Variants in KANSL1 observed in about 807,000 individuals in gnomAD.
KANSL1 encodes KAT8 regulatory NSL complex subunit 1, also known as MLL1/MLL complex subunit KANSL1.
A neutral mutation model predicts 103.6 loss-of-function variants in KANSL1; 22 were observed. That is an observed-to-expected ratio of 0.21 (90% CI 0.15 to 0.30). The LOEUF (loss-of-function observed/expected upper bound fraction) is 0.30. KANSL1 is among the 10% of genes least tolerant of loss of function. KANSL1 has a pLI of 1.00. For missense variants in KANSL1, 1,337 were observed against 1,399.8 expected (o/e 0.96, Z 0.72); for synonymous variants, 600 against 527.6 (o/e 1.14, Z -1.88).
intron 1 of KANSL1, among the ~76,000 whole-genome samples, chr17:46,187,674 A>T (rs1205974487): frequency 6.6e-6 from 1 of 152,282 alleles, no homozygotes; most frequent in East Asian, 1.9e-4. Flanking sequence ...AAAATCTTGG[A>T]AAAGCAAGGC....
At chr17:46,131,657 A>C (rs1322711450) in intron 2 of KANSL1, among the ~76,000 whole-genome samples, 2 of 152,186 alleles carry the variant, frequency 1.3e-5, no homozygotes, top group South Asian at 2.1e-4. Context: ...CATCCTCAAG[A>C]AGCTTATAAA....
chr17:46,194,587 T>C (rs1162786017), upstream of KANSL1, among the ~76,000 whole-genome samples: 1 of 152,190 alleles, frequency 6.6e-6, no homozygotes, highest in Non-Finnish European at 1.5e-5. Flanking sequence ...AAAAGATGAG[T>C]GGAGTATCTT....
At position 46,105,865 on chromosome 17, in the gene KANSL1, TCACA is replaced by T. The variant is rs373943708; in HGVS notation, c.1290-11168_1290-11165del. Among the ~76,000 whole-genome samples the T allele has an allele frequency of 1.5e-3, 205 of 134,644 alleles. 1 individual carries two copies. Among genetic ancestry groups the T allele is most frequent in the African/African-American group, 4.1e-3 (137 of 33,660 alleles). The allele number at this position is 134,644 out of a possible 152,430, so 88.3% of individuals were successfully genotyped here. A position where few individuals can be genotyped will look rare whatever the true frequency, so the allele number is the denominator to read the frequency against. Reference sequence around the variant, plus strand: ...CAGCCTGGGCAGCACAGCAAGACCTTCACACACACACACACACACACACACACAG... The same window carrying T: ...CAGCCTGGGCAGCACAGCAAGACCTTCACACACACACACACACACACACAG... On this transcript the variant is annotated intron_variant, in intron 2 of 14. Coordinates refer to ENST00000432791, the MANE Select transcript of KANSL1 (RefSeq NM_015443.4).
chr17:46,031,949 G>A, intron 14 of KANSL1, 98 bp downstream of exon 14: 4 of 1,548,310 alleles, frequency 2.6e-6, no homozygotes, highest in Non-Finnish European at 1.8e-6. Flanking sequence ...CCCTTCAAAA[G>A]GGGGAGGGGA....
chr17:46,034,370 A>G, intron 10 of KANSL1, 85 bp from the exon 11 acceptor site: 1 of 1,489,482 alleles, frequency 6.7e-7, no homozygotes, highest in South Asian at 1.2e-5. Context: ...CAGGATCACC[A>G]ATAACCAAGC....
intron 2 of KANSL1, among the ~76,000 whole-genome samples, chr17:46,158,609 C>G (rs574512061): frequency 1.3e-5 from 2 of 152,222 alleles, no homozygotes; most frequent in Non-Finnish European, 2.9e-5. Context: ...GGAGCAATCT[C>G]AGCTCACTGT....
intron 4 of KANSL1, among the ~76,000 whole-genome samples, chr17:46,074,753 G>A (rs894322999): frequency 2.0e-5 from 3 of 148,392 alleles, no homozygotes; most frequent in African/African-American, 7.5e-5. Flanking sequence ...GACAAAGTGA[G>A]ACCCTATCTC....
intron 2 of KANSL1, among the ~76,000 whole-genome samples, chr17:46,102,721 T>C (rs1486013742): frequency 6.6e-6 from 1 of 152,230 alleles, no homozygotes; most frequent in East Asian, 1.9e-4. Flanking sequence ...ACTCACTCTA[T>C]CCTTCTTCCT....
chr17:46,213,337 G>A (rs923214312), intron 1 of KANSL1, among the ~76,000 whole-genome samples: 15 of 152,148 alleles, frequency 9.9e-5, no homozygotes, highest in African/African-American at 3.6e-4. Flanking sequence ...GTCTCGCTCT[G>A]TGGCCCAGGC....
chr17:46,093,745 A>C (rs1411646484), intron 3 of KANSL1: 2 of 152,232 alleles, frequency 1.3e-5, no homozygotes, highest in African/African-American at 4.8e-5. Context: ...TTTTAGTAGC[A>C]ATAGACTTTT....
intron 4 of KANSL1, among the ~76,000 whole-genome samples, chr17:46,069,603 G>C (rs960236768): frequency 6.6e-6 from 1 of 151,946 alleles, no homozygotes; most frequent in Non-Finnish European, 1.5e-5. Context: ...AATTAGTTGG[G>C]CATGGTGGCG....
At chr17:46,142,262 C>A (rs1439573855) in intron 2 of KANSL1, among the ~76,000 whole-genome samples, 2 of 152,180 alleles carry the variant, frequency 1.3e-5, no homozygotes, top group Admixed American at 1.3e-4. Flanking sequence ...CTAACTTATC[C>A]AAGTTTGACT....
At chr17:46,204,802 C>T (rs1426131489) in intron 1 of KANSL1, among the ~76,000 whole-genome samples, 6 of 152,200 alleles carry the variant, frequency 3.9e-5, no homozygotes, top group Non-Finnish European at 8.8e-5. Flanking sequence ...TTCTGAAAAT[C>T]AATTAATGTA....
intron 1 of KANSL1, among the ~76,000 whole-genome samples, chr17:46,174,911 C>T (rs2046448218): frequency 6.6e-6 from 1 of 152,338 alleles, no homozygotes; most frequent in African/African-American, 2.4e-5. Context: ...CAGCTTCAGC[C>T]TTCCAAACTC....
intron 1 of KANSL1, among the ~76,000 whole-genome samples, chr17:46,175,950 T>C (rs901978998): frequency 6.6e-6 from 1 of 152,222 alleles, no homozygotes; most frequent in African/African-American, 2.4e-5. Context: ...GTTAAAAATA[T>C]TTTGAGTCAC....
intron 3 of KANSL1, among the ~76,000 whole-genome samples, chr17:46,086,546 G>A (rs533423078): frequency 3.3e-5 from 5 of 152,308 alleles, no homozygotes; most frequent in Admixed American, 6.5e-5. Context: ...TGCTTATTAC[G>A]TTCTAATACT....
chr17:46,104,154 C>T (rs980464608), intron 2 of KANSL1, among the ~76,000 whole-genome samples: 5 of 152,146 alleles, frequency 3.3e-5, no homozygotes, highest in Admixed American at 6.5e-5. Context: ...TTTTAAAATA[C>T]ACTCAATCTT....
At chr17:46,125,037 G>T (rs976663014) in intron 2 of KANSL1, among the ~76,000 whole-genome samples, 1 of 82,448 alleles carries the variant, frequency 1.2e-5, no homozygotes, top group Non-Finnish European at 2.4e-5. Context: ...GGGAGGTAGG[G>T]AGGGAGGGAG....
At chr17:46,104,211 T>A (rs2147044047) in intron 2 of KANSL1, among the ~76,000 whole-genome samples, 1 of 152,334 alleles carries the variant, frequency 6.6e-6, no homozygotes, top group African/African-American at 2.4e-5. Context: ...TACCCGTCAG[T>A]CAGATTTTTC....
Sources: gnomAD v4.1 joint callset for allele counts (sites outside exome capture counted in the v4.1 genomes callset) on GRCh38, gnomAD v4.1.1 for gene constraint, MANE v1.5 for transcripts, NCBI Gene and HGNC (gene_info 2026-07-23, HGNC 2026-07-21) for gene names.